MAML2: variants seen among roughly 807,000 people sequenced by gnomAD.
The protein encoded by MAML2 is mastermind-like protein 2.
In MAML2, 22 loss-of-function variants were observed where a neutral mutation model predicts 96.1. The ratio of observed to expected loss-of-function variants is 0.23; its 90% CI spans 0.16 to 0.33. The LOEUF (loss-of-function observed/expected upper bound fraction) is 0.33. MAML2 is among the 10% of genes least tolerant of loss of function. The pLI, the probability that MAML2 is intolerant of heterozygous loss-of-function variation, is 1.00. For missense variants in MAML2, 1,367 were observed against 1,392.4 expected, an observed-to-expected ratio of 0.98 and a Z score of 0.29; for synonymous variants, 561 against 521.3, an observed-to-expected ratio of 1.08 and a Z score of -1.04.
intron 1 of MAML2, among the ~76,000 whole-genome samples, chr11:96,203,670 G>A (rs1295841258): frequency 6.6e-6 from 1 of 152,136 alleles, no homozygotes; most frequent in Non-Finnish European, 1.5e-5. Context: ...GACCAAACAT[G>A]AACATACTTA....
chr11:96,163,942 A>T (rs1166794298), intron 1 of MAML2, among the ~76,000 whole-genome samples: 1 of 145,356 alleles, frequency 6.9e-6, no homozygotes, highest in Non-Finnish European at 1.5e-5. Flanking sequence ...GGCTCACTGC[A>T]ACCTCTGCCT....
At position 96,341,320 on chromosome 11, in the gene MAML2, A is replaced by G. The variant is rs968560499; in HGVS notation, c.513+63T>C. The G allele has an allele frequency of 3.4e-6, 5 of 1,461,792 alleles. No individual in the cohort carries two copies. In the African/African-American group the frequency reaches 7.1e-5, roughly 21 times the overall value. The allele number at this position is 1,461,792 out of a possible 1,614,324, so 90.6% of individuals were successfully genotyped here. A position where few individuals can be genotyped will look rare whatever the true frequency, so the allele number is the denominator to read the frequency against. On this transcript the variant is annotated intron_variant, in intron 1 of 4. Transcript: ENST00000524717. ...ATCCACTCTACCTTAGGCCAAAGCAAACTCTACCCTCACAAAAGGTCACAG... is the reference window on the plus strand; with the variant it reads ...ATCCACTCTACCTTAGGCCAAAGCAGACTCTACCCTCACAAAAGGTCACAG...
At chr11:96,069,751 G>T (rs1225911457) in intron 2 of MAML2, among the ~76,000 whole-genome samples, 1 of 152,086 alleles carries the variant, frequency 6.6e-6, no homozygotes, top group Non-Finnish European at 1.5e-5. Context: ...CAGGCAGGGC[G>T]CAGTGGCTCA....
chr11:96,241,232 G>A (rs1395403672), intron 1 of MAML2, among the ~76,000 whole-genome samples: 2 of 152,222 alleles, frequency 1.3e-5, no homozygotes, highest in Non-Finnish European at 2.9e-5. Flanking sequence ...CAAAGATTTA[G>A]TGCTTTAGCA....
In MAML2 at chr11:96,306,525, C is replaced by T. The variant is rs762566044; in HGVS notation, c.513+34858G>A. Among the ~76,000 whole-genome samples, 14 of 152,292 alleles carry T rather than the reference C, an allele frequency of 9.2e-5. No individual in the cohort carries two copies. In the Middle Eastern group the frequency reaches 0.014, roughly 148 times the overall value. ...TATGTATTAATTTTTCATAAAACCTCAAAGAAAACTCCTTGCCTTCAGCAT... is the reference window on the plus strand; with the variant it reads ...TATGTATTAATTTTTCATAAAACCTTAAAGAAAACTCCTTGCCTTCAGCAT... On this transcript the variant is annotated intron_variant, in intron 1 of 4. Coordinates refer to ENST00000524717, the MANE Select transcript of MAML2 (RefSeq NM_032427.4).
Position 95,997,121 on chromosome 11 carries a change from C to T in MAML2, c.2140-5398G>A, listed in dbSNP as rs181658612. On this transcript the variant is annotated intron_variant, in intron 2 of 4. Transcript: ENST00000524717. ...GTCAATGACTGGTTCAAATCATGAA[C>T]TTGCATGATCTTTCATTTTACATGT... 4.2e-3 allele frequency among the ~76,000 whole-genome samples: 639 copies of T among 152,240 alleles called. 5 individuals carry two copies. Among genetic ancestry groups the T allele is most frequent in the Middle Eastern group, 0.041 (12 of 294 alleles).
At chr11:96,118,043 T>A (rs1017126162) in intron 1 of MAML2, among the ~76,000 whole-genome samples, 4 of 152,206 alleles carry the variant, frequency 2.6e-5, no homozygotes, top group African/African-American at 9.6e-5. Flanking sequence ...GACACTGGGC[T>A]TGGGTCATGG....
chr11:96,277,704 C>T (rs961963814), intron 1 of MAML2, among the ~76,000 whole-genome samples: 10 of 145,916 alleles, frequency 6.9e-5, no homozygotes, highest in African/African-American at 2.6e-4. Context: ...TGCCACTGCA[C>T]TCCAGCCTGG....
intron 2 of MAML2, among the ~76,000 whole-genome samples, chr11:96,061,530 G>C (rs913579992): frequency 4.0e-5 from 6 of 151,862 alleles, no homozygotes; most frequent in Non-Finnish European, 7.4e-5. Context: ...TGTTAAAATA[G>C]AGAGAAACCA....
chr11:96,163,719 G>C (rs1861148355), intron 1 of MAML2, among the ~76,000 whole-genome samples: 1 of 152,084 alleles, frequency 6.6e-6, no homozygotes, highest in East Asian at 1.9e-4. Flanking sequence ...GTTCTGGAAG[G>C]GTCCTGAATA....
intron 1 of MAML2, among the ~76,000 whole-genome samples, chr11:96,282,256 A>AAAT (rs914258547): frequency 4.7e-5 from 7 of 147,910 alleles, no homozygotes; most frequent in Admixed American, 2.0e-4. Context: ...CTCAAAAAAA[A>AAAT]AATAATAATA....
chr11:96,092,015 T>C lies in MAML2; in HGVS notation c.2016A>G (p.Gln672=), dbSNP rs1565211232. ...TTAGCAAAGGCTGGCTTGGTAGAGA[T>C]TGGGCAGGCTGAGAAGATGGTTGTT... ...QQQQPSSQPA[Q]SLPSQPLLRS... Residue 672 remains glutamine (Q), a synonymous_variant, in exon 2 of 5, where the codon CAA becomes CAG. Transcript: ENST00000524717. The surrounding 1 kb of genome is among the most constrained non-coding windows in gnomAD (Gnocchi z 4.1). The C allele has an allele frequency of 3.2e-6, 5 of 1,572,728 alleles. No individual in the cohort carries two copies. Among genetic ancestry groups the C allele is most frequent in the Non-Finnish European group, 4.3e-6 (5 of 1,158,194 alleles).
At chr11:96,114,480 T>C (rs147572994) in intron 1 of MAML2, among the ~76,000 whole-genome samples, 1 of 152,198 alleles carries the variant, frequency 6.6e-6, no homozygotes, top group Non-Finnish European at 1.5e-5. Flanking sequence ...CCCACCTATC[T>C]CTGCTTTTGC....
At chr11:96,291,115 CTTTTTTTTTTTTTTT>C (rs58889757) in intron 1 of MAML2, among the ~76,000 whole-genome samples, 5 of 69,062 alleles carry the variant, frequency 7.2e-5, no homozygotes, top group Non-Finnish European at 1.0e-4. Context: ...TTTCACAAGC[CTTTTTTTTTTTTTTT>C]TTTTTTTTTT....
At chr11:96,311,935 A>T (rs542278695) in intron 1 of MAML2, among the ~76,000 whole-genome samples, 2 of 152,144 alleles carry the variant, frequency 1.3e-5, no homozygotes, top group Non-Finnish European at 2.9e-5. Flanking sequence ...ATAAAGATCT[A>T]TGTAGCTAGA....
intron 1 of MAML2, among the ~76,000 whole-genome samples, chr11:96,163,849 T>G (rs780209133): frequency 2.3e-5 from 3 of 131,720 alleles, no homozygotes; most frequent in Non-Finnish European, 3.1e-5. Flanking sequence ...TACTGAGCTT[T>G]CTTTCTCTCT....
At chr11:96,057,945 T>G (rs1187174642) in intron 2 of MAML2, among the ~76,000 whole-genome samples, 2 of 152,230 alleles carry the variant, frequency 1.3e-5, no homozygotes, top group Non-Finnish European at 2.9e-5. Flanking sequence ...GTTATCACTT[T>G]TCACTGCAAG....
intron 1 of MAML2, among the ~76,000 whole-genome samples, chr11:96,160,071 C>T (rs566142462): frequency 1.7e-3 from 263 of 152,254 alleles, no homozygotes; most frequent in Middle Eastern, 3.4e-3. Context: ...TGCCACAGTG[C>T]TTTTCCCCTA....
At position 96,107,131 on chromosome 11, in the gene MAML2, T is replaced by C. The variant is rs144345563; in HGVS notation, c.514-13614A>G. Among the ~76,000 whole-genome samples, 25 of 152,184 alleles carry C rather than the reference T, an allele frequency of 1.6e-4. 1 individual carries two copies. The East Asian group carries it at 4.6e-3, about 28-fold the overall frequency. The stretch of plus-strand genomic sequence containing the variant: ...GTTTGATTTCTTTGTGTATTTCATG[T>C]TTTTGGCTTGTAACTGTTATTATGT... On this transcript the variant is annotated intron_variant, in intron 1 of 4. Transcript: ENST00000524717.
Sources: gnomAD v4.1 joint callset for allele counts (sites outside exome capture counted in the v4.1 genomes callset) on GRCh38, gnomAD v4.1.1 for gene constraint, Gnocchi (gnomAD v3.1) non-coding constraint, MANE v1.5 for transcripts, NCBI Gene and HGNC (gene_info 2026-07-23, HGNC 2026-07-21) for gene names.